Variants in CNTNAP2 observed in about 807,000 individuals in gnomAD.
CNTNAP2 encodes the protein contactin associated protein 2, also known as contactin-associated protein-like 2.
Under a neutral mutation model 155.2 loss-of-function variants are expected in CNTNAP2, and 98 were observed. The ratio of observed to expected loss-of-function variants is 0.63; its 90% CI spans 0.54 to 0.75. The LOEUF is 0.75. Among genes scored for constraint, CNTNAP2 ranks in the 30% least tolerant of loss-of-function variants. The probability of loss-of-function intolerance (pLI) is 0.00; values close to 1 mark genes in which losing one functional copy is unlikely to be tolerated. For synonymous variants in CNTNAP2, 651 were observed against 631.2 expected (o/e 1.03, Z -0.47); for missense variants, 1,727 against 1,688.1 (o/e 1.02, Z -0.40).
At chr7:146,585,744 G>T (rs1468741338) in intron 1 of CNTNAP2, among the ~76,000 whole-genome samples, 1 of 136,960 alleles carries the variant, frequency 7.3e-6, no homozygotes, top group Non-Finnish European at 1.5e-5. Flanking sequence ...GAAAGAAAAA[G>T]AAAGAAGGAA....
intron 2 of CNTNAP2, among the ~76,000 whole-genome samples, chr7:146,816,783 T>G (rs1300507104): frequency 6.6e-6 from 1 of 152,178 alleles, no homozygotes; most frequent in Non-Finnish European, 1.5e-5. Flanking sequence ...TAGCTGCTTT[T>G]CTTACTATCC....
chr7:147,101,476 G>A (rs753318084), intron 4 of CNTNAP2, among the ~76,000 whole-genome samples: 36 of 152,138 alleles, frequency 2.4e-4, no homozygotes, highest in Non-Finnish European at 5.1e-4. Context: ...ATCTGTGGAT[G>A]GTTAAGTGTT....
At chr7:147,911,183 A>G (rs1392957817) in intron 14 of CNTNAP2, among the ~76,000 whole-genome samples, 1 of 152,292 alleles carries the variant, frequency 6.6e-6, no homozygotes, top group Middle Eastern at 3.4e-3. Context: ...GTGATTAAAT[A>G]TAGAGTTTAT....
chr7:147,603,425 T>G lies in CNTNAP2; in HGVS notation c.1898-35681T>G, dbSNP rs1237212622. Among the ~76,000 whole-genome samples, 3 of 152,086 alleles carry G rather than the reference T, an allele frequency of 2.0e-5. No homozygotes were observed. In the East Asian group the frequency reaches 5.8e-4, roughly 30 times the overall value. ...AATCACAAGCATTCTTATACACCAA[T>G]AACAGACAAACAGAGAGCCAAATCA... On this transcript the variant is annotated intron_variant, in intron 12 of 23. Transcript: ENST00000361727.
chr7:147,408,771 AAAAG>A (rs1422474840), intron 10 of CNTNAP2, among the ~76,000 whole-genome samples: 1 of 152,178 alleles, frequency 6.6e-6, no homozygotes, highest in East Asian at 1.9e-4. Flanking sequence ...AATAATAAAA[AAAAG>A]AGGACGTTGC....
intron 8 of CNTNAP2, among the ~76,000 whole-genome samples, chr7:147,173,840 C>T (rs558851540): frequency 3.3e-5 from 5 of 152,240 alleles, no homozygotes; most frequent in East Asian, 1.9e-4. Flanking sequence ...CTAACTGCAG[C>T]GGCACCTGAG....
chr7:146,620,895 C>T (rs1009601302), intron 1 of CNTNAP2, among the ~76,000 whole-genome samples: 1 of 152,078 alleles, frequency 6.6e-6, no homozygotes, highest in Non-Finnish European at 1.5e-5. Context: ...TTCTAAATAT[C>T]ATGTGGCAAG....
chr7:147,151,127 A>G (rs1328682185), intron 8 of CNTNAP2, among the ~76,000 whole-genome samples: 1 of 152,236 alleles, frequency 6.6e-6, no homozygotes, highest in Non-Finnish European at 1.5e-5. Flanking sequence ...TCATAGTTTT[A>G]TCTGTGATGA....
intron 8 of CNTNAP2, among the ~76,000 whole-genome samples, chr7:147,206,661 TAA>T (rs1340166540): frequency 6.6e-6 from 1 of 152,180 alleles, no homozygotes; most frequent in Non-Finnish European, 1.5e-5. Flanking sequence ...ATAGTGTTAA[TAA>T]AGTATCACAC....
At chr7:148,124,393 C>T (rs1487827102) in intron 16 of CNTNAP2, among the ~76,000 whole-genome samples, 1 of 152,136 alleles carries the variant, frequency 6.6e-6, no homozygotes, top group Admixed American at 6.5e-5. Flanking sequence ...ATGGATCTGT[C>T]CATGTATTTT....
intron 1 of CNTNAP2, among the ~76,000 whole-genome samples, chr7:146,397,002 AT>A: frequency 1.3e-5 from 2 of 152,136 alleles, no homozygotes; most frequent in African/African-American, 4.8e-5. Context: ...AATGCAGTAC[AT>A]TTTTTCTCAC....
intron 8 of CNTNAP2, among the ~76,000 whole-genome samples, chr7:147,257,409 G>A (rs1804356621): frequency 6.6e-6 from 1 of 152,178 alleles, no homozygotes; most frequent in Non-Finnish European, 1.5e-5. Flanking sequence ...TAACCTAGGA[G>A]CACTCCTTTG....
rs778231032 is a variant in CNTNAP2, at chr7:148,217,284, A to G, written c.3011-4A>G. The stretch of plus-strand genomic sequence containing the variant: ...TTTTCAATTCTCTCTCTCCTTTATA[A>G]CAGATGTTGGTGCATTTTTTGAAGA... On this transcript the variant is annotated splice_polypyrimidine_tract_variant and splice_region_variant and intron_variant, in intron 18 of 23. Coordinates refer to ENST00000361727, the MANE Select transcript of CNTNAP2 (RefSeq NM_014141.6). 2 of 1,613,710 alleles carry G rather than the reference A, an allele frequency of 1.2e-6. No homozygotes were observed. The highest frequency in any genetic ancestry group is 2.7e-5 in the African/African-American group (2 of 74,856).
intron 1 of CNTNAP2, among the ~76,000 whole-genome samples, chr7:146,402,641 T>A (rs181424526): frequency 1.3e-5 from 2 of 152,244 alleles, no homozygotes; most frequent in East Asian, 3.9e-4. Context: ...ATATTGGAAT[T>A]GTTTTTGCAG....
intron 1 of CNTNAP2, among the ~76,000 whole-genome samples, chr7:146,316,025 C>A (rs764277323): frequency 1.3e-5 from 2 of 152,158 alleles, no homozygotes; most frequent in Non-Finnish European, 2.9e-5. Context: ...AAACTATACA[C>A]AGAAGATACA....
intron 1 of CNTNAP2, among the ~76,000 whole-genome samples, chr7:146,633,809 A>C (rs1490497338): frequency 7.3e-6 from 1 of 137,456 alleles, no homozygotes; most frequent in Non-Finnish European, 1.5e-5. Context: ...CAGCCTGGGC[A>C]ACAGAGCGAG....
At chr7:146,439,826 T>C (rs1171167693) in intron 1 of CNTNAP2, among the ~76,000 whole-genome samples, 1 of 151,564 alleles carries the variant, frequency 6.6e-6, no homozygotes, top group Non-Finnish European at 1.5e-5. Context: ...AATCCCACTT[T>C]CAAATAATCT....
chr7:148,218,687 G>T (rs549221309), intron 19 of CNTNAP2, among the ~76,000 whole-genome samples: 2 of 151,978 alleles, frequency 1.3e-5, no homozygotes, highest in African/African-American at 4.8e-5. Context: ...ACCATGCCCG[G>T]CCCAGGGGTG....
chr7:146,263,734 A>C (rs928391765), intron 1 of CNTNAP2, among the ~76,000 whole-genome samples: 1 of 152,188 alleles, frequency 6.6e-6, no homozygotes, highest in African/African-American at 2.4e-5. Flanking sequence ...TCACCTGTGA[A>C]ATAATATTTG....
Sources: gnomAD v4.1 joint callset for allele counts (sites outside exome capture counted in the v4.1 genomes callset) on GRCh38, gnomAD v4.1.1 for gene constraint, MANE v1.5 for transcripts, NCBI Gene and HGNC (gene_info 2026-07-23, HGNC 2026-07-21) for gene names.